SMCHD1: variants seen among roughly 807,000 people sequenced by gnomAD.
The protein encoded by SMCHD1 is structural maintenance of chromosomes flexible hinge domain-containing protein 1.
Under a neutral mutation model 254.7 loss-of-function variants are expected in SMCHD1, and 78 were observed. The ratio of observed to expected loss-of-function variants is 0.31; its 90% CI spans 0.26 to 0.37. SMCHD1 has a LOEUF of 0.37. Among genes scored for constraint, SMCHD1 ranks in the 10% least tolerant of loss-of-function variants. SMCHD1 has a pLI of 1.00. For missense variants in SMCHD1, 1,840 were observed against 2,408.1 expected (o/e 0.76, Z 4.94); for synonymous variants, 766 against 794.9 (o/e 0.96, Z 0.61).
chr18:2,666,446 C>T (rs1323021297), intron 2 of SMCHD1, among the ~76,000 whole-genome samples: 2 of 152,178 alleles, frequency 1.3e-5, no homozygotes. Flanking sequence ...TCAGTTATGG[C>T]TACAGAAGAT....
In SMCHD1 at chr18:2,659,986, G is replaced by A. The variant is rs181652218; in HGVS notation, c.186+3725G>A. 1.8e-3 allele frequency among the ~76,000 whole-genome samples: 281 copies of A among 152,218 alleles called. 2 individuals are homozygous for A. Among genetic ancestry groups the A allele is most frequent in the African/African-American group, 6.5e-3 (272 of 41,540 alleles). ...ATAAAATTAACTGATCATTTTGGTA[G>A]GTAATCATTTTATGCACTGCAAGTC... On this transcript the variant is annotated intron_variant, in intron 1 of 47. Coordinates refer to ENST00000320876, the MANE Select transcript of SMCHD1 (RefSeq NM_015295.3).
intron 44 of SMCHD1, among the ~76,000 whole-genome samples, chr18:2,782,764 A>ACAAC (rs1259144629): frequency 1.3e-4 from 20 of 150,464 alleles, no homozygotes; most frequent in African/African-American, 4.4e-4. Context: ...AAAAAAAAAA[A>ACAAC]AAAAAAAAGA....
intron 34 of SMCHD1, among the ~76,000 whole-genome samples, chr18:2,758,139 A>G (rs1442343): frequency 0.2 from 30,868 of 152,040 alleles, 3,372 homozygotes; most frequent in South Asian, 0.33. Context: ...TTGTCTTCTC[A>G]TTGAAAGTTT....
intron 1 of SMCHD1, among the ~76,000 whole-genome samples, chr18:2,661,806 G>T (rs980045187): frequency 4.6e-5 from 7 of 152,142 alleles, no homozygotes; most frequent in Non-Finnish European, 8.8e-5. Context: ...AGTTAGTGAA[G>T]GCTAAATGAA....
chr18:2,786,958 C>G (rs1009428046), intron 45 of SMCHD1, among the ~76,000 whole-genome samples: 2 of 150,776 alleles, frequency 1.3e-5, no homozygotes, highest in African/African-American at 4.9e-5. Context: ...TTTATTTATT[C>G]TACTGTTGAG....
chr18:2,682,828 C>A (rs475206), intron 5 of SMCHD1, among the ~76,000 whole-genome samples: 126,052 of 152,198 alleles, frequency 0.83, 55,448 homozygotes, highest in East Asian at 1. Flanking sequence ...GTTCCTTGAA[C>A]TTGTAGTTTT....
intron 39 of SMCHD1, among the ~76,000 whole-genome samples, chr18:2,770,809 C>T (rs999081509): frequency 2.0e-5 from 3 of 151,884 alleles, no homozygotes; most frequent in Non-Finnish European, 4.4e-5. Flanking sequence ...TTAGTAGAGA[C>T]GGGGTTTCAC....
intron 45 of SMCHD1, among the ~76,000 whole-genome samples, chr18:2,790,639 T>C (rs1340089194): frequency 6.6e-6 from 1 of 152,128 alleles, no homozygotes; most frequent in Non-Finnish European, 1.5e-5. Context: ...CACACACCTG[T>C]AATCCCAATT....
intron 37 of SMCHD1, among the ~76,000 whole-genome samples, chr18:2,767,972 T>A (rs1351471554): frequency 6.6e-6 from 1 of 152,120 alleles, no homozygotes; most frequent in Non-Finnish European, 1.5e-5. Flanking sequence ...CATAATAGTA[T>A]CTGTGTATCT....
At chr18:2,732,734 G>A (rs1200279074) in intron 25 of SMCHD1, among the ~76,000 whole-genome samples, 1 of 152,088 alleles carries the variant, frequency 6.6e-6, no homozygotes, top group Non-Finnish European at 1.5e-5. Context: ...TCTAGGTTTT[G>A]GCATTTTGTT....
intron 1 of SMCHD1, among the ~76,000 whole-genome samples, chr18:2,664,463 A>G (rs1042166492): frequency 7.2e-5 from 11 of 152,254 alleles, no homozygotes; most frequent in East Asian, 1.9e-4. Flanking sequence ...GAAGAAATCA[A>G]CTAGGTCTTT....
intron 41 of SMCHD1, among the ~76,000 whole-genome samples, chr18:2,773,697 G>T (rs575125301): frequency 1.1e-4 from 17 of 152,110 alleles, no homozygotes; most frequent in Admixed American, 1.0e-3. Context: ...CAAGACAGGC[G>T]CATTACCTGA....
intron 5 of SMCHD1, among the ~76,000 whole-genome samples, chr18:2,679,484 A>AAAAAAAAAAAAAG (rs2073874017): frequency 7.2e-6 from 1 of 138,890 alleles, no homozygotes; most frequent in African/African-American, 2.6e-5. Flanking sequence ...CATCTCCAAA[A>AAAAAAAAAAAAAG]AAAAAAAAAA....
chr18:2,695,384 A>T (rs1339630412), intron 8 of SMCHD1, among the ~76,000 whole-genome samples: 1 of 149,142 alleles, frequency 6.7e-6, no homozygotes, highest in African/African-American at 2.5e-5. Flanking sequence ...CTCTTGGCTC[A>T]CTGCAACCAC....
chr18:2,658,815 T>A (rs556134247), intron 1 of SMCHD1, among the ~76,000 whole-genome samples: 1 of 151,472 alleles, frequency 6.6e-6, no homozygotes, highest in Non-Finnish European at 1.5e-5. Flanking sequence ...TGTATACATA[T>A]ACATATATAT....
In SMCHD1 at chr18:2,694,684, G is replaced by A. The variant is rs370983669; in HGVS notation, c.1031G>A (p.Arg344Gln). ...AAAAATTATTTCCACCTTTGGACACGACAGTTAGCGTAAGTAATTATATTT... is the reference window on the plus strand; with the variant it reads ...AAAAATTATTTCCACCTTTGGACACAACAGTTAGCGTAAGTAATTATATTT... ...YLKNYFHLWT[R>Q]QLAHIYHYYI... The change falls in exon 8 of 48, where the codon CGA becomes CAA. Residue 344 changes from arginine (R) to glutamine (Q), a missense_variant. Arg to Gln is a conservative substitution (Grantham distance 43). Around this residue, in one of 9 missense-constraint regions of SMCHD1, gnomAD observed 498 missense variants for 743.5 expected, o/e 0.67. Coordinates refer to ENST00000320876, the MANE Select transcript of SMCHD1 (RefSeq NM_015295.3). 2.0e-5 allele frequency: 33 copies of A among 1,610,414 alleles called. No individual in the cohort carries two copies. The highest frequency in any genetic ancestry group is 1.5e-4 in the African/African-American group (11 of 74,696).
At chr18:2,754,882 T>A (rs1312694161) in intron 34 of SMCHD1, among the ~76,000 whole-genome samples, 4 of 151,810 alleles carry the variant, frequency 2.6e-5, no homozygotes, top group Non-Finnish European at 5.9e-5. Flanking sequence ...ACACCTATAA[T>A]CCCAGCACTT....
chr18:2,707,528 G>A, intron 15 of SMCHD1, 35 bp from the exon 16 acceptor site: 7 of 1,324,892 alleles, frequency 5.3e-6, no homozygotes, highest in Non-Finnish European at 6.4e-6. Flanking sequence ...AATTAACAAA[G>A]TTTGTGGAAC....
At chr18:2,660,806 A>G (rs1390999271) in intron 1 of SMCHD1, among the ~76,000 whole-genome samples, 1 of 152,130 alleles carries the variant, frequency 6.6e-6, no homozygotes, top group Non-Finnish European at 1.5e-5. Context: ...AATATGGATG[A>G]AAAATCCATG....
Sources: gnomAD v4.1 joint callset for allele counts (sites outside exome capture counted in the v4.1 genomes callset) on GRCh38, gnomAD v4.1.1 for gene constraint, gnomAD v4.1.1 regional missense constraint, MANE v1.5 for transcripts, NCBI Gene and HGNC (gene_info 2026-07-23, HGNC 2026-07-21) for gene names.